PKNOX2: variants seen among roughly 807,000 people sequenced by gnomAD.
PKNOX2 encodes PBX/knotted 1 homeobox 2.
In PKNOX2, 14 loss-of-function variants were observed where a neutral mutation model predicts 53.1. The observed-to-expected ratio is 0.26, with a 90% CI of 0.17 to 0.41. PKNOX2 has a LOEUF of 0.41. PKNOX2 is among the 10% of genes least tolerant of loss of function. The pLI, the probability that PKNOX2 is intolerant of heterozygous loss-of-function variation, is 1.00. For missense variants in PKNOX2, 496 were observed against 602.8 expected (o/e 0.82, Z 1.85); for synonymous variants, 257 against 242.8 (o/e 1.06, Z -0.54).
At chr11:125,368,012 A>T in intron 5 of PKNOX2, 27 bp downstream of exon 5, 1 of 1,604,018 alleles carries the variant, frequency 6.2e-7, no homozygotes, top group Non-Finnish European at 8.5e-7. Flanking sequence ...CTGTGTCTAC[A>T]GCCCTCAACC....
intron 6 of PKNOX2, among the ~76,000 whole-genome samples, chr11:125,386,190 G>A (rs1009414465): frequency 1.3e-5 from 2 of 152,224 alleles, no homozygotes; most frequent in African/African-American, 4.8e-5. Context: ...TCGATGTGCT[G>A]AGGAGACCAG....
At chr11:125,224,226 G>A (rs974537338) in intron 1 of PKNOX2, among the ~76,000 whole-genome samples, 1 of 152,226 alleles carries the variant, frequency 6.6e-6, no homozygotes, top group Non-Finnish European at 1.5e-5. Context: ...CTGGGGAGTC[G>A]CCCGGGCCAG....
chr11:125,286,815 T>C (rs1211097859), intron 2 of PKNOX2, among the ~76,000 whole-genome samples: 1 of 152,260 alleles, frequency 6.6e-6, no homozygotes, highest in Non-Finnish European at 1.5e-5. Context: ...GGGCCTGGCA[T>C]TGCCGTTTGG....
chr11:125,324,368 G>C (rs886580501), intron 2 of PKNOX2, among the ~76,000 whole-genome samples: 10 of 152,212 alleles, frequency 6.6e-5, no homozygotes, highest in African/African-American at 2.2e-4. Context: ...AAGGAGATCA[G>C]CATGTGGTGT....
Position 125,350,062 on chromosome 11 carries a change from C to T in PKNOX2, c.-22-1222C>T, listed in dbSNP as rs143644137. ...TGCTGTGCTCACAAAGGTTTCTACA[C>T]CAACAGTGCCCTCCACCCAGGAGAA... On this transcript the variant is annotated intron_variant, in intron 3 of 12. Transcript: ENST00000298282. Among the ~76,000 whole-genome samples the T allele has an allele frequency of 6.0e-3, 919 of 152,274 alleles. 5 individuals carry two copies. The highest frequency in any genetic ancestry group is 9.2e-3 in the Non-Finnish European group (626 of 68,016).
chr11:125,219,233 A>G (rs1219776202), intron 1 of PKNOX2, among the ~76,000 whole-genome samples: 3 of 152,092 alleles, frequency 2.0e-5, no homozygotes, highest in Admixed American at 2.0e-4. Context: ...TAGGAGTTCC[A>G]GACCAGCCTG....
chr11:125,348,472 A>C (rs1951113632), intron 3 of PKNOX2, among the ~76,000 whole-genome samples: 1 of 152,152 alleles, frequency 6.6e-6, no homozygotes, highest in Admixed American at 6.5e-5. Flanking sequence ...AAGGAGGGGG[A>C]GGGGCCAGGG....
At chr11:125,298,451 C>T (rs1488148318) in intron 2 of PKNOX2, among the ~76,000 whole-genome samples, 2 of 152,156 alleles carry the variant, frequency 1.3e-5, no homozygotes, top group Non-Finnish European at 2.9e-5. Flanking sequence ...GGCCTGGCCA[C>T]CAGAGTGGAG....
chr11:125,234,562 G>A (rs768694988), intron 1 of PKNOX2, among the ~76,000 whole-genome samples: 5 of 152,150 alleles, frequency 3.3e-5, no homozygotes, highest in Non-Finnish European at 5.9e-5. Flanking sequence ...ATATTCCTGA[G>A]GTAGACAACA....
At chr11:125,357,343 G>A (rs1436425169) in intron 4 of PKNOX2, among the ~76,000 whole-genome samples, 2 of 152,114 alleles carry the variant, frequency 1.3e-5, no homozygotes, top group African/African-American at 4.8e-5. Context: ...GGGCCTTTAT[G>A]CCCATGTAGG....
intron 5 of PKNOX2, among the ~76,000 whole-genome samples, chr11:125,374,710 G>A (rs562768582): frequency 2.0e-4 from 31 of 152,228 alleles, no homozygotes; most frequent in Middle Eastern, 3.4e-3. Context: ...CAGGGTCCCC[G>A]CCAAGACCAA....
At chr11:125,389,850 G>A (rs1209986661) in intron 6 of PKNOX2, among the ~76,000 whole-genome samples, 1 of 152,168 alleles carries the variant, frequency 6.6e-6, no homozygotes, top group African/African-American at 2.4e-5. Flanking sequence ...AGACTCTGGT[G>A]TGGCTCGAGG....
At chr11:125,378,657 A>G (rs565784317) in intron 5 of PKNOX2, among the ~76,000 whole-genome samples, 3 of 152,356 alleles carry the variant, frequency 2.0e-5, no homozygotes, top group African/African-American at 7.2e-5. Flanking sequence ...GGCTGGACCC[A>G]TAATTGAGGT....
chr11:125,164,831 C>T, intron 1 of PKNOX2, 55 bp downstream of exon 1: 1 of 178,320 alleles, frequency 5.6e-6, no homozygotes, highest in South Asian at 1.1e-4. Context: ...GCGGCGGCGG[C>T]GCGGCGGCGG....
At chr11:125,279,637 G>A (rs528956765) in intron 2 of PKNOX2, among the ~76,000 whole-genome samples, 65 of 152,254 alleles carry the variant, frequency 4.3e-4, no homozygotes, top group African/African-American at 1.5e-3. Context: ...CCTCAGAAGT[G>A]GAACGCAGGG....
intron 2 of PKNOX2, among the ~76,000 whole-genome samples, chr11:125,257,025 T>C (rs866608686): frequency 5.1e-4 from 77 of 151,958 alleles, no homozygotes; most frequent in Non-Finnish European, 1.9e-4. Flanking sequence ...TTTTTCCTTC[T>C]TCTTTGCAGT....
At chr11:125,164,828 C>T (rs986390532) in intron 1 of PKNOX2, 52 bp downstream of exon 1, 1 of 178,338 alleles carries the variant, frequency 5.6e-6, no homozygotes, top group South Asian at 1.1e-4. Flanking sequence ...GCGGCGGCGG[C>T]GGCGCGGCGG....
At chr11:125,428,571 A>T (rs964051374) in intron 10 of PKNOX2, among the ~76,000 whole-genome samples, 7 of 152,210 alleles carry the variant, frequency 4.6e-5, no homozygotes, top group Admixed American at 3.3e-4. Context: ...GTAGATATTC[A>T]GTAAATAGCA....
intron 1 of PKNOX2, among the ~76,000 whole-genome samples, chr11:125,231,847 G>A (rs937480752): frequency 6.6e-6 from 1 of 152,174 alleles, no homozygotes; most frequent in Admixed American, 6.5e-5. Flanking sequence ...AAATGATGGT[G>A]AGAGAAGACA....
Sources: allele counts gnomAD v4.1 joint callset (sites outside exome capture counted in the v4.1 genomes callset), GRCh38; gene constraint gnomAD v4.1.1; transcripts MANE v1.5; gene names NCBI Gene and HGNC (gene_info 2026-07-23, HGNC 2026-07-21).